The following DMGDH variants were observed in gnomAD, a reference collection of about 807,000 sequenced individuals.
DMGDH encodes dimethylglycine dehydrogenase, mitochondrial.
A neutral mutation model predicts 95.2 loss-of-function variants in DMGDH; 76 were observed. The ratio of observed to expected loss-of-function variants is 0.80; its 90% CI spans 0.66 to 0.97. The LOEUF is 0.97. Ranked by LOEUF, DMGDH falls within the 50% of genes least tolerant of loss-of-function variation. The pLI is 0.00. For synonymous variants in DMGDH, 345 were observed against 377.6 expected (o/e 0.91, Z 1.00); for missense variants, 987 against 1,055.0 (o/e 0.94, Z 0.89).
At chr5:79,064,118 C>T (rs1218944375) in intron 1 of DMGDH, among the ~76,000 whole-genome samples, 1 of 151,878 alleles carries the variant, frequency 6.6e-6, no homozygotes, top group East Asian at 1.9e-4. Context: ...TTTGGAAGGC[C>T]GAGATGGGAA....
intron 15 of DMGDH, among the ~76,000 whole-genome samples, chr5:79,003,967 T>TAAATAAATAAATAAAA (rs559754271): frequency 6.6e-6 from 1 of 151,272 alleles, no homozygotes; most frequent in Non-Finnish European, 1.5e-5. Context: ...AATAAATAAA[T>TAAATAAATAAATAAAA]AAAAATAAAA....
intron 2 of DMGDH, among the ~76,000 whole-genome samples, chr5:79,056,633 T>C (rs942680009): frequency 2.0e-5 from 3 of 147,266 alleles, no homozygotes; most frequent in African/African-American, 7.5e-5. Flanking sequence ...GTGGGTGGAT[T>C]ACCTGAGGTC....
intron 14 of DMGDH, among the ~76,000 whole-genome samples, chr5:79,015,117 CCA>C (rs1451197639): frequency 6.6e-6 from 1 of 152,106 alleles, no homozygotes; most frequent in Non-Finnish European, 1.5e-5. Context: ...CTTGGCTACC[CCA>C]GAGTCCTCCA....
chr5:79,001,271 T>C, intron 15 of DMGDH: 1 of 268,690 alleles, frequency 3.7e-6, no homozygotes, highest in Non-Finnish European at 7.0e-6. Flanking sequence ...CAAGCTATTC[T>C]CTTGCCTCAG....
chr5:79,029,308 A>G (rs1754088700), intron 11 of DMGDH, among the ~76,000 whole-genome samples: 1 of 152,242 alleles, frequency 6.6e-6, no homozygotes, highest in South Asian at 2.1e-4. Context: ...TAAGATGAGA[A>G]TCTGTCAGAG....
rs374748548 is a variant in DMGDH at position 79,028,434 on chromosome 5, A to G, written c.2031T>C (p.Thr677=). ...IPVTAIRISY[T]GELGWELYHR... Reference sequence around the variant, plus strand: ...GTCCAGGTTGTTTTCCAATCTTACCAGTATAAGATATCCTAATAGCAGTGA... The same window carrying G: ...GTCCAGGTTGTTTTCCAATCTTACCGGTATAAGATATCCTAATAGCAGTGA... The change falls in exon 12 of 16, where the codon ACT becomes ACC. Residue 677 remains threonine, a splice_region_variant and synonymous_variant. Transcript: ENST00000255189. The G allele has an allele frequency of 1.9e-6, 3 of 1,607,590 alleles. No homozygotes were observed. Among genetic ancestry groups the G allele is most frequent in the Non-Finnish European group, 1.7e-6 (2 of 1,174,084 alleles).
intron 14 of DMGDH, among the ~76,000 whole-genome samples, chr5:79,008,708 A>G (rs943064387): frequency 2.0e-5 from 3 of 152,156 alleles, no homozygotes; most frequent in Admixed American, 6.5e-5. Context: ...ATCAGGTATT[A>G]GCTAACCATG....
rs566387840 is a variant in DMGDH at position 79,021,547 on chromosome 5, C to T, written c.2250+2724G>A. The T allele has an allele frequency of 1.1e-4, 147 of 1,289,354 alleles. No homozygotes were observed. The East Asian group carries it at 2.5e-3, about 22-fold the overall frequency. 79.9% of individuals were successfully genotyped at this position (1,289,354 alleles called of 1,614,324 possible). A position where few individuals can be genotyped will look rare whatever the true frequency, so the allele number is the denominator to read the frequency against. On this transcript the variant is annotated intron_variant, in intron 14 of 15. Coordinates refer to ENST00000255189, the MANE Select transcript of DMGDH (RefSeq NM_013391.3). The stretch of plus-strand genomic sequence containing the variant: ...CTCCCTTTGTGATGAAAGAGTTCTT[C>T]AGTACTCCATTGTTCTTTTCCCTAC...
chr5:79,039,550 ACT>A (rs1754445751), intron 7 of DMGDH, among the ~76,000 whole-genome samples: 1 of 152,018 alleles, frequency 6.6e-6, no homozygotes, highest in Non-Finnish European at 1.5e-5. Flanking sequence ...CACTCTGGGG[ACT>A]GTTGTGGGGT....
intron 1 of DMGDH, among the ~76,000 whole-genome samples, chr5:79,068,003 C>T (rs918799684): frequency 9.2e-5 from 14 of 152,236 alleles, no homozygotes; most frequent in Admixed American, 2.0e-4. Flanking sequence ...CTGCAGTCTC[C>T]GCCTCCCAGG....
intron 15 of DMGDH, chr5:79,000,556 T>C (rs1753436029): frequency 1.7e-6 from 1 of 592,682 alleles, no homozygotes; most frequent in African/African-American, 1.9e-5. Flanking sequence ...TTCACTGATA[T>C]CAAAATCCAG....
At chr5:79,067,074 A>G (rs1755402870) in intron 1 of DMGDH, among the ~76,000 whole-genome samples, 1 of 152,188 alleles carries the variant, frequency 6.6e-6, no homozygotes, top group African/African-American at 2.4e-5. Flanking sequence ...TTTCTAATCC[A>G]TTACTAGTCA....
intron 7 of DMGDH, among the ~76,000 whole-genome samples, chr5:79,035,918 T>C (rs248380): frequency 0.48 from 73,111 of 152,100 alleles, 17,967 homozygotes; most frequent in East Asian, 0.64. Flanking sequence ...TTATTTTCCA[T>C]ATCATGTTCT....
At chr5:79,021,753 T>A in intron 14 of DMGDH, 1 of 1,259,860 alleles carries the variant, frequency 7.9e-7, no homozygotes, top group Non-Finnish European at 1.0e-6. Flanking sequence ...AGGTAGTCCA[T>A]ACAAACAATA....
chr5:79,069,493 C>G, intron 1 of DMGDH, 27 bp downstream of exon 1: 1 of 1,242,710 alleles, frequency 8.0e-7, no homozygotes, highest in Non-Finnish European at 1.0e-6. Context: ...GCCCCGTCGC[C>G]TCTGAGCAGG....
chr5:79,009,751 G>C (rs1232535496), intron 14 of DMGDH, among the ~76,000 whole-genome samples: 1 of 152,030 alleles, frequency 6.6e-6, no homozygotes, highest in African/African-American at 2.4e-5. Context: ...AACCAACAAG[G>C]CTCCTGACTT....
intron 11 of DMGDH, among the ~76,000 whole-genome samples, 182 bp downstream of exon 11, chr5:79,029,722 G>T (rs748236948): frequency 1.3e-5 from 2 of 152,164 alleles, no homozygotes; most frequent in Non-Finnish European, 2.9e-5. Flanking sequence ...AATTACCTTT[G>T]GGAGGGGCAG....
chr5:79,047,202 A>G (rs73769922), intron 5 of DMGDH, among the ~76,000 whole-genome samples: 78 of 152,306 alleles, frequency 5.1e-4, no homozygotes, highest in African/African-American at 1.7e-3. Context: ...ATCTACCATT[A>G]TCACCTGAAA....
In DMGDH at chr5:79,042,429, G is replaced by A; in HGVS notation, c.1047C>T (p.Ile349=). The change falls in exon 7 of 16, where the codon ATC becomes ATT. Residue 349 remains isoleucine (I), a synonymous_variant. Coordinates refer to ENST00000255189, the MANE Select transcript of DMGDH (RefSeq NM_013391.3). ...ESDLDRIMEH[I]KAAMEMVPVL... ...CAGGAACCATTTCCATGGCAGCTTT[G>A]ATGTGTTCCATGATTCGATCTAGAT... 1 of 1,614,136 alleles carries A rather than the reference G, an allele frequency of 6.2e-7. No individual in the cohort carries two copies. Among genetic ancestry groups the A allele is most frequent in the Non-Finnish European group, 8.5e-7 (1 of 1,180,014 alleles).
Sources: allele counts gnomAD v4.1 joint callset (sites outside exome capture counted in the v4.1 genomes callset), GRCh38; gene constraint gnomAD v4.1.1; transcripts MANE v1.5; gene names NCBI Gene and HGNC (gene_info 2026-07-23, HGNC 2026-07-21).